Variants in MEIS2 observed in about 807,000 individuals in gnomAD.
MEIS2 encodes homeobox protein Meis2.
Under a neutral mutation model 58.6 loss-of-function variants are expected in MEIS2, and 9 were observed. That is an observed-to-expected ratio of 0.15 (90% CI 0.09 to 0.27). The LOEUF (loss-of-function observed/expected upper bound fraction) is 0.27, where lower values mean the gene tolerates loss of function less well. Ranked by LOEUF, MEIS2 falls within the 10% of genes least tolerant of loss-of-function variation. The pLI is 1.00. For missense variants in MEIS2, 427 were observed against 635.0 expected (o/e 0.67, Z 3.52); for synonymous variants, 221 against 228.4 (o/e 0.97, Z 0.29).
At chr15:37,018,661 G>A (rs938249707) in intron 8 of MEIS2, among the ~76,000 whole-genome samples, 13 of 152,270 alleles carry the variant, frequency 8.5e-5, no homozygotes, top group African/African-American at 2.9e-4. Context: ...AAGAATCCAA[G>A]TAGATTTCTA....
intron 8 of MEIS2, among the ~76,000 whole-genome samples, chr15:37,027,182 C>T (rs2141696948): frequency 6.6e-6 from 1 of 152,300 alleles, no homozygotes; most frequent in Non-Finnish European, 1.5e-5. Flanking sequence ...GGCTGGATAT[C>T]ATCTTTACAC....
At chr15:37,040,776 C>T (rs1032892773) in intron 7 of MEIS2, among the ~76,000 whole-genome samples, 2 of 152,142 alleles carry the variant, frequency 1.3e-5, no homozygotes, top group East Asian at 1.9e-4. Flanking sequence ...ACAGATAAAT[C>T]GGAAGTGGAT....
chr15:36,929,192 T>G (rs2057869475), intron 9 of MEIS2, among the ~76,000 whole-genome samples: 1 of 152,186 alleles, frequency 6.6e-6, no homozygotes, highest in African/African-American at 2.4e-5. Flanking sequence ...AAGAAATCTC[T>G]CAACTTAAAG....
chr15:37,047,343 A>C (rs2062718068), intron 7 of MEIS2, among the ~76,000 whole-genome samples: 1 of 152,158 alleles, frequency 6.6e-6, no homozygotes, highest in African/African-American at 2.4e-5. Flanking sequence ...TTCAGCTAAC[A>C]GAGTTCACAA....
intron 7 of MEIS2, among the ~76,000 whole-genome samples, chr15:37,046,847 A>G (rs1401624482): frequency 6.6e-6 from 1 of 150,942 alleles, no homozygotes; most frequent in East Asian, 1.9e-4. Context: ...ATATATATAT[A>G]TATATATATT....
intron 7 of MEIS2, among the ~76,000 whole-genome samples, chr15:37,071,688 C>T (rs1890727123): frequency 6.6e-6 from 1 of 152,028 alleles, no homozygotes; most frequent in African/African-American, 2.4e-5. Flanking sequence ...TATTACCCTC[C>T]TTTTACAGAT....
chr15:36,940,980 G>A (rs954417788), intron 9 of MEIS2, among the ~76,000 whole-genome samples: 1 of 152,124 alleles, frequency 6.6e-6, no homozygotes, highest in Admixed American at 6.5e-5. Context: ...CACAAGGAAA[G>A]TTAATCCCTA....
At chr15:36,980,432 G>A (rs2059895302) in intron 8 of MEIS2, among the ~76,000 whole-genome samples, 1 of 152,146 alleles carries the variant, frequency 6.6e-6, no homozygotes, top group Non-Finnish European at 1.5e-5. Context: ...CATGGTGGAA[G>A]GCAAGGAGGA....
intron 6 of MEIS2, among the ~76,000 whole-genome samples, chr15:37,089,698 C>T (rs1288448650): frequency 6.6e-6 from 1 of 152,004 alleles, no homozygotes; most frequent in Admixed American, 6.6e-5. Flanking sequence ...TCTTTATGAC[C>T]ACTAACTAGG....
In MEIS2 at chr15:37,098,065, C is replaced by T; in HGVS notation, c.147G>A (p.Gln49=). 6.2e-7 allele frequency: 1 copy of T among 1,613,862 alleles called. No homozygotes were observed. Among genetic ancestry groups the T allele is most frequent in the Non-Finnish European group, 8.5e-7 (1 of 1,179,946 alleles). The change falls in exon 2 of 12, where the codon CAG becomes CAA. Residue 49 remains glutamine (Q), a synonymous_variant. Transcript: ENST00000561208. ...LNHGPPLHAT[Q]HYGAHAPHPN... is the part of the protein sequence containing the mutation. ...GGTGCGGGGCGTGCGCGCCGTAGTG[C>T]TGTGTGGCGTGGAGCGGCGGCCCGT...
At chr15:36,908,964 A>AAAC (rs1196814772) in intron 9 of MEIS2, among the ~76,000 whole-genome samples, 11 of 152,122 alleles carry the variant, frequency 7.2e-5, no homozygotes, top group South Asian at 2.1e-4. Context: ...AATAATAACA[A>AAAC]AACAACAACA....
chr15:37,056,890 C>T (rs1888501133), intron 7 of MEIS2, among the ~76,000 whole-genome samples: 1 of 152,234 alleles, frequency 6.6e-6, no homozygotes. Flanking sequence ...TAGGTTAAGA[C>T]TCTTTCTCAG....
At chr15:37,053,068 G>A (rs1596021796) in intron 7 of MEIS2, among the ~76,000 whole-genome samples, 1 of 152,142 alleles carries the variant, frequency 6.6e-6, no homozygotes, top group East Asian at 1.9e-4. Context: ...TTGTTTGAGA[G>A]GAAAAGTTGT....
rs189354750 is a variant in MEIS2 at position 37,057,586 on chromosome 15, C to T, written c.755-20627G>A. Among the ~76,000 whole-genome samples, 19 of 152,210 alleles carry T rather than the reference C, an allele frequency of 1.2e-4. No individual in the cohort carries two copies. The East Asian group carries it at 2.7e-3, about 22-fold the overall frequency. ...TGAGCAGTAAAGGGCTCAACGGGGC[C>T]TCCTGGGACCCAACTAGCTGAGAAA... On this transcript the variant is annotated intron_variant, in intron 7 of 11. Transcript: ENST00000561208.
rs76827459 is a variant in MEIS2 at position 36,896,093 on chromosome 15, G to A, written c.1036+535C>T. 7.5e-3 allele frequency among the ~76,000 whole-genome samples: 1,147 copies of A among 152,294 alleles called. 13 individuals carry two copies. The highest frequency in any genetic ancestry group is 0.026 in the African/African-American group (1,089 of 41,552). On this transcript the variant is annotated intron_variant, in intron 10 of 11. Coordinates refer to ENST00000561208, the MANE Select transcript of MEIS2 (RefSeq NM_170675.5). ...AGAAATTGAGAGAATTCTGAGAAAA[G>A]CTCACATGTATTTTAGCAGCATGGA...
chr15:37,047,958 A>G (rs1296308553), intron 7 of MEIS2, among the ~76,000 whole-genome samples: 3 of 152,348 alleles, frequency 2.0e-5, no homozygotes, highest in Admixed American at 6.5e-5. Flanking sequence ...GTCACACAAA[A>G]TGTCCTTCTG....
At chr15:37,087,686 A>G (rs1208499860) in intron 6 of MEIS2, among the ~76,000 whole-genome samples, 1 of 152,194 alleles carries the variant, frequency 6.6e-6, no homozygotes, top group Non-Finnish European at 1.5e-5. Context: ...TGGGCATAGG[A>G]AGCAAATCAT....
At chr15:36,977,195 C>T (rs2059788035) in intron 8 of MEIS2, among the ~76,000 whole-genome samples, 1 of 151,770 alleles carries the variant, frequency 6.6e-6, no homozygotes, top group Non-Finnish European at 1.5e-5. Context: ...TATAACAATT[C>T]AATAATAAAA....
intron 7 of MEIS2, among the ~76,000 whole-genome samples, chr15:37,050,586 T>C (rs1052437300): frequency 6.6e-6 from 1 of 152,158 alleles, no homozygotes; most frequent in East Asian, 1.9e-4. Context: ...GTATCCGACA[T>C]ACTTTTCTAA....
Sources: gnomAD v4.1 joint callset for allele counts (sites outside exome capture counted in the v4.1 genomes callset) on GRCh38, gnomAD v4.1.1 for gene constraint, MANE v1.5 for transcripts, NCBI Gene and HGNC (gene_info 2026-07-23, HGNC 2026-07-21) for gene names.